Variants in TRPM3 observed in about 807,000 individuals in gnomAD.
TRPM3 encodes transient receptor potential cation channel subfamily M member 3.
A neutral mutation model predicts 181.2 loss-of-function variants in TRPM3; 77 were observed. The ratio of observed to expected loss-of-function variants is 0.42; its 90% CI spans 0.35 to 0.51. The LOEUF (loss-of-function observed/expected upper bound fraction) is 0.51, where lower values mean the gene tolerates loss of function less well. Ranked by LOEUF, TRPM3 falls within the 20% of genes least tolerant of loss-of-function variation. The probability of loss-of-function intolerance (pLI) is 0.01; values close to 1 mark genes in which losing one functional copy is unlikely to be tolerated. For missense variants in TRPM3, 1,759 were observed against 2,196.7 expected, an observed-to-expected ratio of 0.80 and a Z score of 3.98; for synonymous variants, 745 against 796.4, an observed-to-expected ratio of 0.94 and a Z score of 1.09.
rs922423070 is a variant in TRPM3, at chr9:70,765,881, A to G, written c.1149-4157T>C. Reference sequence around the variant, plus strand: ...AAAATTAGAGATGAGCCTATTTTAGATTTCTTTTTATGGCACTAGAATATT... The same window carrying G: ...AAAATTAGAGATGAGCCTATTTTAGGTTTCTTTTTATGGCACTAGAATATT... On this transcript the variant is annotated intron_variant, in intron 7 of 25. Transcript: ENST00000677713. 2.6e-5 allele frequency among the ~76,000 whole-genome samples: 4 copies of G among 152,276 alleles called. No homozygotes were observed. In the East Asian group the frequency reaches 7.7e-4, roughly 29 times the overall value.
chr9:71,296,988 C>CTTTTT (rs398010878), intron 1 of TRPM3, among the ~76,000 whole-genome samples: 224 of 97,790 alleles, frequency 2.3e-3, no homozygotes, highest in African/African-American at 3.6e-3. Context: ...TGAATCTTTT[C>CTTTTT]TTTTTTTTTT....
chr9:71,083,351 G>C (rs548428091), intron 1 of TRPM3, among the ~76,000 whole-genome samples: 1 of 152,136 alleles, frequency 6.6e-6, no homozygotes, highest in African/African-American at 2.4e-5. Flanking sequence ...CAAATGTTCA[G>C]AAAGGCAAGC....
chr9:70,997,950 C>A (rs1359258337), intron 1 of TRPM3, among the ~76,000 whole-genome samples: 1 of 151,892 alleles, frequency 6.6e-6, no homozygotes, highest in Non-Finnish European at 1.5e-5. Flanking sequence ...CAAAGCCTCA[C>A]AATAGAATGT....
At chr9:70,702,020 G>C (rs1338211654) in intron 8 of TRPM3, among the ~76,000 whole-genome samples, 1 of 124,098 alleles carries the variant, frequency 8.1e-6, no homozygotes, top group Non-Finnish European at 1.7e-5. Flanking sequence ...TTTGTGGAGG[G>C]ACAGAAGGGG....
chr9:71,236,370 C>T (rs952876809), intron 1 of TRPM3, among the ~76,000 whole-genome samples: 30 of 152,126 alleles, frequency 2.0e-4, no homozygotes, highest in African/African-American at 6.8e-4. Flanking sequence ...TTTCCATCTC[C>T]TCTTCCTCTT....
At chr9:71,151,262 T>C (rs1034262415) in intron 1 of TRPM3, among the ~76,000 whole-genome samples, 1 of 152,002 alleles carries the variant, frequency 6.6e-6, no homozygotes, top group African/African-American at 2.4e-5. Flanking sequence ...CACAAAGGGA[T>C]ACATTTTCCA....
chr9:71,279,729 T>C (rs774549034), intron 1 of TRPM3, among the ~76,000 whole-genome samples: 19 of 152,128 alleles, frequency 1.2e-4, no homozygotes, highest in Non-Finnish European at 1.2e-4. Context: ...GGAGAGATGA[T>C]TCAGGAGCAA....
intron 1 of TRPM3, among the ~76,000 whole-genome samples, chr9:71,250,105 G>A (rs76999643): frequency 0.011 from 1,653 of 152,178 alleles, 27 homozygotes; most frequent in East Asian, 0.074. Context: ...GACTCATAAG[G>A]AATCATAAAA....
At chr9:70,792,756 A>G (rs2085823018) in intron 6 of TRPM3, among the ~76,000 whole-genome samples, 1 of 152,104 alleles carries the variant, frequency 6.6e-6, no homozygotes, top group African/African-American at 2.4e-5. Flanking sequence ...GTTCCTGCAG[A>G]GAGTCCCCTA....
At chr9:70,946,469 G>A (rs1284534165) in intron 1 of TRPM3, among the ~76,000 whole-genome samples, 1 of 150,946 alleles carries the variant, frequency 6.6e-6, no homozygotes, top group Non-Finnish European at 1.5e-5. Flanking sequence ...AATAACAGCA[G>A]CAATATTCTA....
intron 22 of TRPM3, among the ~76,000 whole-genome samples, chr9:70,577,990 A>C (rs2054491271): frequency 6.6e-6 from 1 of 152,238 alleles, no homozygotes; most frequent in Admixed American, 6.5e-5. Context: ...TCTTGTTCAG[A>C]ATATTAAAAA....
intron 1 of TRPM3, among the ~76,000 whole-genome samples, chr9:71,432,323 C>CTTTTTTTT (rs67905820): frequency 5.2e-5 from 4 of 76,620 alleles, no homozygotes; most frequent in Non-Finnish European, 5.2e-5. Context: ...AAAAGTAGGA[C>CTTTTTTTT]TTTTTTTTTT....
At chr9:70,841,661 T>TATAAAA (rs1339698170) in intron 5 of TRPM3, among the ~76,000 whole-genome samples, 2 of 86,080 alleles carry the variant, frequency 2.3e-5, no homozygotes, top group African/African-American at 9.5e-5. Flanking sequence ...TATATATATA[T>TATAAAA]CCCACCATAT....
intron 1 of TRPM3, among the ~76,000 whole-genome samples, chr9:70,956,103 T>C (rs2097066982): frequency 6.6e-6 from 1 of 152,114 alleles, no homozygotes; most frequent in South Asian, 2.1e-4. Context: ...GAGAATCACA[T>C]GGACCTAAAT....
At chr9:71,097,695 C>T (rs1252838028) in intron 1 of TRPM3, among the ~76,000 whole-genome samples, 1 of 151,840 alleles carries the variant, frequency 6.6e-6, no homozygotes, top group Non-Finnish European at 1.5e-5. Context: ...AATTGAATTC[C>T]AAGTGCTCAA....
In TRPM3 at chr9:70,628,650, C is replaced by T. The variant is rs185764752; in HGVS notation, c.1633-3133G>A. 1.8e-3 allele frequency among the ~76,000 whole-genome samples: 266 copies of T among 151,634 alleles called. 2 individuals are homozygous for T. The highest frequency in any genetic ancestry group is 5.5e-3 in the African/African-American group (227 of 41,366). On this transcript the variant is annotated intron_variant, in intron 12 of 25. Coordinates refer to ENST00000677713, the MANE Select transcript of TRPM3 (RefSeq NM_001366145.2). Reference sequence around the variant, plus strand: ...CAGCCTGGGCAACATGGTGAAACCCCGTCTGTACTAAAATACAAAAAATTA... The same window carrying T: ...CAGCCTGGGCAACATGGTGAAACCCTGTCTGTACTAAAATACAAAAAATTA...
intron 6 of TRPM3, among the ~76,000 whole-genome samples, chr9:70,786,008 G>C: frequency 6.6e-6 from 1 of 152,118 alleles, no homozygotes; most frequent in East Asian, 1.9e-4. Context: ...AATCCAAGGA[G>C]AGGGAAGTGA....
At position 71,435,249 on chromosome 9, in the gene TRPM3, T is replaced by C. The variant is rs143040234; in HGVS notation, c.183+11404A>G. On this transcript the variant is annotated intron_variant, in intron 1 of 24. Coordinates refer to the TRPM3 transcript ENST00000357533. ...TATAATGTGAATAATATATAAAATA[T>C]GTATAATTACTATCTAATAGTCTTA... Among the ~76,000 whole-genome samples the C allele has an allele frequency of 4.2e-3, 640 of 152,298 alleles. 9 individuals carry two copies. Among genetic ancestry groups the C allele is most frequent in the Non-Finnish European group, 3.4e-3 (231 of 67,996 alleles).
intron 22 of TRPM3, among the ~76,000 whole-genome samples, chr9:70,586,947 A>C (rs1287593630): frequency 6.6e-6 from 1 of 152,202 alleles, no homozygotes; most frequent in East Asian, 1.9e-4. Context: ...GACAAAAACA[A>C]CACTTTAAAT....
Sources: gnomAD v4.1 joint callset for allele counts (sites outside exome capture counted in the v4.1 genomes callset) on GRCh38, gnomAD v4.1.1 for gene constraint, MANE v1.5 for transcripts, NCBI Gene and HGNC (gene_info 2026-07-23, HGNC 2026-07-21) for gene names.